Variants in SETX observed in about 807,000 individuals in gnomAD.
SETX encodes the protein helicase senataxin.
In SETX, 90 loss-of-function variants were observed where a neutral mutation model predicts 227.2. The ratio of observed to expected loss-of-function variants is 0.40; its 90% CI spans 0.33 to 0.47. The LOEUF (loss-of-function observed/expected upper bound fraction) is 0.47, where lower values mean the gene tolerates loss of function less well. SETX is among the 20% of genes least tolerant of loss of function. The pLI, the probability that SETX is intolerant of heterozygous loss-of-function variation, is 0.91. For synonymous variants in SETX, 1,210 were observed against 1,113.2 expected (o/e 1.09, Z -1.73); for missense variants, 3,052 against 3,181.5 (o/e 0.96, Z 0.98).
intron 4 of SETX, 27 bp from the exon 5 acceptor site, chr9:132,342,826 C>T (rs1848060677): frequency 1.3e-6 from 2 of 1,493,906 alleles, no homozygotes; most frequent in Non-Finnish European, 1.9e-6. Context: ...AAGTAAAATA[C>T]ATAAATCTTA....
intron 10 of SETX, among the ~76,000 whole-genome samples, chr9:132,323,360 A>G (rs1179758735): frequency 1.6e-4 from 25 of 152,214 alleles, no homozygotes; most frequent in Admixed American, 1.6e-3. Flanking sequence ...CAAGGAAAAC[A>G]CAGAGTTTGG....
intron 20 of SETX, among the ~76,000 whole-genome samples, chr9:132,280,920 C>T (rs1460705080): frequency 6.6e-6 from 1 of 152,076 alleles, no homozygotes. Context: ...TTTTTTTCCC[C>T]TGTACCTTCA....
intron 11 of SETX, among the ~76,000 whole-genome samples, chr9:132,310,708 A>G (rs1379049672): frequency 6.6e-6 from 1 of 152,194 alleles, no homozygotes; most frequent in Non-Finnish European, 1.5e-5. Context: ...ACAATTGAAC[A>G]TGAGTTTGAA....
chr9:132,297,174 T>C (rs1844721870), intron 13 of SETX, 120 bp from the exon 14 acceptor site: 18 of 830,398 alleles, frequency 2.2e-5, no homozygotes, highest in South Asian at 3.2e-5. Context: ...GCTTTGGTTA[T>C]GGTCAGACAA....
Position 132,328,293 on chromosome 9 carries a change from G to A in SETX, c.3305C>T (p.Ser1102Leu). The part of the protein sequence containing the change: ...VWQDHPDDNN[S>L]VQDGEKKCLA... ...ACATTTTTTCTCACCATCTTGAACTGAATTATTATCGTCTGGATGATCTTG... is the reference window on the plus strand; with the variant it reads ...ACATTTTTTCTCACCATCTTGAACTAAATTATTATCGTCTGGATGATCTTG... Residue 1102 changes from serine to leucine, a missense_variant, in exon 10 of 26, where the codon TCA (serine) becomes TTA (leucine). Transcript: ENST00000224140. The A allele has an allele frequency of 6.2e-7, 1 of 1,613,934 alleles. No individual in the cohort carries two copies.
At chr9:132,269,547 A>G in intron 25 of SETX, 68 bp downstream of exon 25, 2 of 1,610,208 alleles carry the variant, frequency 1.2e-6, no homozygotes. Context: ...CTTTGATGGA[A>G]AATAAGAACA....
chr9:132,269,735 T>G, intron 24 of SETX, 33 bp from the exon 25 acceptor site: 5 of 1,603,638 alleles, frequency 3.1e-6, no homozygotes, highest in Non-Finnish European at 4.3e-6. Context: ...CTTCTTTGTC[T>G]AGAATGACTT....
intron 18 of SETX, 42 bp from the exon 19 acceptor site, chr9:132,283,455 A>G: frequency 6.2e-7 from 1 of 1,610,270 alleles, no homozygotes; most frequent in South Asian, 1.1e-5. Context: ...CTGTACATCA[A>G]TCCTTGACTA....
At chr9:132,335,209 T>C (rs1589758870) in intron 6 of SETX, among the ~76,000 whole-genome samples, 2 of 151,494 alleles carry the variant, frequency 1.3e-5, no homozygotes, top group Admixed American at 1.3e-4. Flanking sequence ...GCTAACATGG[T>C]GAAACCCCGT....
Position 132,327,908 on chromosome 9 carries a change from TGTACAA to T in SETX, c.3684_3689del (p.Cys1229_Thr1230del). ...AAACTGGAACTTTCCTGATGGGTTC[TGTACAA>T]GTACAAAGCTTTGAAGACTTCTTTT... On this transcript the variant is annotated inframe_deletion, in exon 10 of 26. Coordinates refer to ENST00000224140, the MANE Select transcript of SETX (RefSeq NM_015046.7). The T allele has an allele frequency of 3.1e-6, 5 of 1,614,252 alleles. No homozygotes were observed. The highest frequency in any genetic ancestry group is 4.2e-6 in the Non-Finnish European group (5 of 1,180,050).
At chr9:132,299,555 G>A (rs986994989) in intron 12 of SETX, among the ~76,000 whole-genome samples, 1 of 152,240 alleles carries the variant, frequency 6.6e-6, no homozygotes, top group South Asian at 2.1e-4. Flanking sequence ...ACACTTTATT[G>A]CTATATTAAT....
chr9:132,294,927 G>A (rs1011675485), intron 15 of SETX, among the ~76,000 whole-genome samples: 1 of 152,150 alleles, frequency 6.6e-6, no homozygotes, highest in African/African-American at 2.4e-5. Context: ...GTAAACTTCT[G>A]TTATATTTAA....
Position 132,329,291 on chromosome 9 carries a change from A to G in SETX, c.2307T>C (p.Asp769=), listed in dbSNP as rs775921021. ...STSNEDFSLK[D]DALAKTSKRK... Reference sequence around the variant, plus strand: ...GTTTTGAGGTTTTAGCAAGAGCATCATCCTTTAAAGAGAAATCTTCATTCG... The same window carrying G: ...GTTTTGAGGTTTTAGCAAGAGCATCGTCCTTTAAAGAGAAATCTTCATTCG... Residue 769 remains aspartate (D), a synonymous_variant, in exon 10 of 26, where the codon GAT becomes GAC. Coordinates refer to ENST00000224140, the MANE Select transcript of SETX (RefSeq NM_015046.7). 1.4e-5 allele frequency: 23 copies of G among 1,613,810 alleles called. No individual in the cohort carries two copies. Among genetic ancestry groups the G allele is most frequent in the Non-Finnish European group, 1.8e-5 (21 of 1,179,920 alleles).
Position 132,329,404 on chromosome 9 carries a change from G to A in SETX, c.2194C>T (p.Pro732Ser). 2 of 1,613,748 alleles carry A rather than the reference G, an allele frequency of 1.2e-6. No homozygotes were observed. The highest frequency in any genetic ancestry group is 2.2e-5 in the South Asian group (2 of 91,068). The change falls in exon 10 of 26, where the codon CCA (proline) becomes TCA (serine). Residue 732 changes from proline to serine, a missense_variant. Around this residue, in one of 10 missense-constraint regions of SETX, gnomAD observed 1,483 missense variants for 1,312.0 expected, o/e 1.13. Coordinates refer to ENST00000224140, the MANE Select transcript of SETX (RefSeq NM_015046.7). ...ATTCCTCTGTCACATCCCCTTTCTG[G>A]ACCATTTCTTGAAGTACAGTCCTTT... Reference protein sequence around the residue: ...TPKDCTSRNGPERGCDRGIIV... With the variant: ...TPKDCTSRNGSERGCDRGIIV...
At position 132,349,395 on chromosome 9, in the gene SETX, C is replaced by T; in HGVS notation, c.34G>A (p.Ala12Thr). The T allele has an allele frequency of 9.3e-6, 15 of 1,614,172 alleles. No individual in the cohort carries two copies. The highest frequency in any genetic ancestry group is 1.3e-5 in the Non-Finnish European group (15 of 1,180,040). ...STCCWCTPGG[A>T]STIDFLKRYA... is the part of the protein sequence containing the mutation. ...CGCTTTAGGAAGTCAATGGTGGAAG[C>T]ACCACCTGGCGTACACCAACAACAT... The change falls in exon 3 of 26, where the codon GCT (alanine) becomes ACT (threonine). Residue 12 changes from alanine to threonine, a missense_variant. Around this residue, in one of 10 missense-constraint regions of SETX, gnomAD observed 152 missense variants for 156.2 expected, o/e 0.97. Coordinates refer to ENST00000224140, the MANE Select transcript of SETX (RefSeq NM_015046.7).
At chr9:132,310,957 AG>A (rs1845619345) in intron 11 of SETX, among the ~76,000 whole-genome samples, 1 of 152,038 alleles carries the variant, frequency 6.6e-6, no homozygotes, top group Non-Finnish European at 1.5e-5. Flanking sequence ...ATATAATTGT[AG>A]TTGTTGTTTT....
chr9:132,289,803 T>C (rs947565945), intron 15 of SETX, among the ~76,000 whole-genome samples: 1 of 152,216 alleles, frequency 6.6e-6, no homozygotes, highest in African/African-American at 2.4e-5. Flanking sequence ...AACCTGCCTG[T>C]TTACTAACCA....
intron 5 of SETX, among the ~76,000 whole-genome samples, chr9:132,339,018 T>C (rs555629914): frequency 6.6e-6 from 1 of 152,302 alleles, no homozygotes; most frequent in South Asian, 2.1e-4. Context: ...CAACCCTGGC[T>C]TCCCAAAGGC....
At chr9:132,312,473 A>T (rs555132211) in intron 10 of SETX, among the ~76,000 whole-genome samples, 80 of 152,358 alleles carry the variant, frequency 5.3e-4, no homozygotes, top group Middle Eastern at 3.4e-3. Context: ...ACTAACAAAT[A>T]TATTACCTTT....
Sources: gnomAD v4.1 joint callset for allele counts (sites outside exome capture counted in the v4.1 genomes callset) on GRCh38, gnomAD v4.1.1 for gene constraint, gnomAD v4.1.1 regional missense constraint, MANE v1.5 for transcripts, NCBI Gene and HGNC (gene_info 2026-07-23, HGNC 2026-07-21) for gene names.